Variants in ARID1B observed in about 807,000 individuals in gnomAD.
The protein encoded by ARID1B is AT-rich interactive domain-containing protein 1B.
ARID1B carries 30 observed loss-of-function variants against 212.3 expected under a neutral mutation model. The observed-to-expected ratio is 0.14, with a 90% confidence interval of 0.11 to 0.19. The LOEUF (loss-of-function observed/expected upper bound fraction) is 0.19. Among genes scored for constraint, ARID1B ranks in the 10% least tolerant of loss-of-function variants. The probability of loss-of-function intolerance (pLI) is 1.00; values close to 1 mark genes in which losing one functional copy is unlikely to be tolerated. For missense variants in ARID1B, 2,891 were observed against 3,204.0 expected (o/e 0.90, Z 2.36); for synonymous variants, 1,402 against 1,301.7 (o/e 1.08, Z -1.66).
At chr6:157,106,602 T>C (rs1488416695) in intron 5 of ARID1B, among the ~76,000 whole-genome samples, 1 of 152,250 alleles carries the variant, frequency 6.6e-6, no homozygotes, top group African/African-American at 2.4e-5. Flanking sequence ...CAGAGTCAGC[T>C]GATTAGGGAG....
Position 157,138,395 on chromosome 6 carries a change from G to A in ARID1B, c.2761+5188G>A, listed in dbSNP as rs111457425. Among the ~76,000 whole-genome samples the A allele has an allele frequency of 8.4e-3, 1,277 of 152,098 alleles. 22 individuals are homozygous for A. The highest frequency in any genetic ancestry group is 0.028 in the African/African-American group (1,179 of 41,478). On this transcript the variant is annotated intron_variant, in intron 7 of 19. Transcript: ENST00000636930. Reference sequence around the variant, plus strand: ...GGACCACAGACATGCACCCCACGCCGGGCTAATTTTTTTTGTATTTTTTGT... The same window carrying A: ...GGACCACAGACATGCACCCCACGCCAGGCTAATTTTTTTTGTATTTTTTGT...
At chr6:156,906,940 T>C (rs545325863) in intron 3 of ARID1B, among the ~76,000 whole-genome samples, 2 of 152,364 alleles carry the variant, frequency 1.3e-5, no homozygotes, top group South Asian at 4.1e-4. Context: ...TACTGGTGTA[T>C]ACAAATGTAA....
At chr6:157,044,661 T>TA (rs1443162178) in intron 4 of ARID1B, among the ~76,000 whole-genome samples, 3 of 152,258 alleles carry the variant, frequency 2.0e-5, no homozygotes, top group Admixed American at 6.5e-5. Flanking sequence ...TATCTTTTGT[T>TA]ACATTTTTCC....
At chr6:156,891,421 T>A (rs1787912547) in intron 2 of ARID1B, among the ~76,000 whole-genome samples, 1 of 151,960 alleles carries the variant, frequency 6.6e-6, no homozygotes, top group African/African-American at 2.4e-5. Flanking sequence ...TTTTGATAAC[T>A]CTTAGACAGC....
chr6:157,162,171 T>C (rs1251920483), intron 8 of ARID1B, among the ~76,000 whole-genome samples: 1 of 152,244 alleles, frequency 6.6e-6, no homozygotes, highest in Non-Finnish European at 1.5e-5. Flanking sequence ...ATTGCTAAGA[T>C]GATAAGGCCT....
intron 4 of ARID1B, chr6:156,937,043 C>G (rs1792294932): frequency 6.7e-6 from 1 of 150,238 alleles, no homozygotes; most frequent in Non-Finnish European, 1.5e-5. Context: ...AGGGTGAAAT[C>G]TTATTGTGGT....
At chr6:156,917,614 C>T (rs1790461607) in intron 3 of ARID1B, among the ~76,000 whole-genome samples, 1 of 152,056 alleles carries the variant, frequency 6.6e-6, no homozygotes, top group Non-Finnish European at 1.5e-5. Flanking sequence ...GAGGGGATGC[C>T]CATTCCTGAG....
chr6:156,978,214 G>C (rs1777384297), intron 4 of ARID1B, among the ~76,000 whole-genome samples: 1 of 152,184 alleles, frequency 6.6e-6, no homozygotes. Flanking sequence ...TCCATTTCCA[G>C]ACTCTGCCTG....
chr6:157,162,992 G>T (rs1403817685), intron 8 of ARID1B, among the ~76,000 whole-genome samples: 1 of 152,210 alleles, frequency 6.6e-6, no homozygotes, highest in Admixed American at 6.5e-5. Flanking sequence ...GGTCTGGGGG[G>T]AGGCTTTGCT....
chr6:156,868,124 C>T (rs894532507), intron 2 of ARID1B, among the ~76,000 whole-genome samples: 4 of 152,180 alleles, frequency 2.6e-5, no homozygotes, highest in African/African-American at 9.7e-5. Flanking sequence ...TGTGCACAAA[C>T]GTCTGATTCA....
intron 7 of ARID1B, among the ~76,000 whole-genome samples, chr6:157,137,071 C>T (rs762695594): frequency 2.2e-4 from 34 of 151,952 alleles, no homozygotes; most frequent in Non-Finnish European, 4.1e-4. Context: ...GTCCCAGCCA[C>T]GCGGGAGGCT....
At chr6:156,821,170 C>T (rs574814983) in intron 1 of ARID1B, among the ~76,000 whole-genome samples, 92 of 152,252 alleles carry the variant, frequency 6.0e-4, no homozygotes, top group African/African-American at 2.1e-3. Context: ...TGCAAACAAG[C>T]GGAGATAAAG....
rs372073557 is a variant in ARID1B, at chr6:157,110,565, C to A, written c.2581+4C>A. The A allele has an allele frequency of 1.9e-6, 3 of 1,613,846 alleles. No individual in the cohort carries two copies. Among genetic ancestry groups the A allele is most frequent in the African/African-American group, 2.7e-5 (2 of 74,914 alleles). On this transcript the variant is annotated splice_donor_region_variant and intron_variant, in intron 6 of 19. Transcript: ENST00000636930. ...TCACCAATGCCACAGGAAAGAGGTT[C>A]GTCTCCAGTTCATGTCTTACATGCC...
chr6:156,914,625 A>G lies in ARID1B; in HGVS notation c.2136+13100A>G, dbSNP rs185137818. ...TACTTTCAAAGCTTTACGTATCTGG[A>G]GACTTGTGACTTTCATATGTACTTT... On this transcript the variant is annotated intron_variant, in intron 3 of 19. Coordinates refer to ENST00000636930, the MANE Select transcript of ARID1B (RefSeq NM_001374828.1). 1.4e-3 allele frequency among the ~76,000 whole-genome samples: 213 copies of G among 152,204 alleles called. 1 individual carries two copies. Among genetic ancestry groups the G allele is most frequent in the African/African-American group, 4.9e-3 (202 of 41,540 alleles).
chr6:157,142,406 G>T (rs1369978993), intron 7 of ARID1B, among the ~76,000 whole-genome samples: 1 of 152,100 alleles, frequency 6.6e-6, no homozygotes, highest in Non-Finnish European at 1.5e-5. Context: ...CGGGTATATT[G>T]TTTGAGGCCA....
intron 5 of ARID1B, among the ~76,000 whole-genome samples, chr6:157,101,915 A>G (rs1318217635): frequency 6.6e-6 from 1 of 152,212 alleles, no homozygotes; most frequent in Non-Finnish European, 1.5e-5. Context: ...AATCCATCTT[A>G]GGTTAGTTGG....
intron 12 of ARID1B, among the ~76,000 whole-genome samples, chr6:157,182,218 C>T (rs1236827193): frequency 1.3e-5 from 2 of 152,180 alleles, no homozygotes; most frequent in African/African-American, 4.8e-5. Flanking sequence ...TACTATACTC[C>T]AGCCTGGTTG....
intron 7 of ARID1B, among the ~76,000 whole-genome samples, chr6:157,135,174 T>A (rs775820503): frequency 2.0e-5 from 3 of 151,888 alleles, no homozygotes; most frequent in Non-Finnish European, 4.4e-5. Flanking sequence ...CCCAGGAGAG[T>A]TCTTATCCAA....
chr6:157,148,085 G>T lies in ARID1B; in HGVS notation c.2762-539G>T, dbSNP rs1203974181. On this transcript the variant is annotated intron_variant, in intron 7 of 19. Transcript: ENST00000636930. The surrounding 1 kb of genome is among the most constrained non-coding windows in gnomAD (Gnocchi z 5.6). ...AAAGAAAAATATTATTCCCAACTTA[G>T]AGGAAAACTGGGGCTCATGTCAGGT... is the stretch of plus-strand genomic sequence containing the variant. 6.6e-6 allele frequency among the ~76,000 whole-genome samples: 1 copy of T among 151,816 alleles called. No individual in the cohort carries two copies. The highest frequency in any genetic ancestry group is 1.5e-5 in the Non-Finnish European group (1 of 67,980).
Sources: allele counts gnomAD v4.1 joint callset (sites outside exome capture counted in the v4.1 genomes callset), GRCh38; gene constraint gnomAD v4.1.1; non-coding constraint Gnocchi (gnomAD v3.1); transcripts MANE v1.5; gene names NCBI Gene and HGNC (gene_info 2026-07-23, HGNC 2026-07-21).